Variants in NTM observed in about 807,000 individuals in gnomAD.
The protein encoded by NTM is IgLON family member 2.
In NTM, 13 loss-of-function variants were observed where a neutral mutation model predicts 42.1. That is an observed-to-expected ratio of 0.31 (90% confidence interval 0.20 to 0.49). The LOEUF (loss-of-function observed/expected upper bound fraction) is 0.49. Ranked by LOEUF, NTM falls within the 20% of genes least tolerant of loss-of-function variation. The pLI, the probability that NTM is intolerant of heterozygous loss-of-function variation, is 0.99. For missense variants in NTM, 373 were observed against 452.8 expected, an observed-to-expected ratio of 0.82 and a Z score of 1.60; for synonymous variants, 187 against 179.2, an observed-to-expected ratio of 1.04 and a Z score of -0.35.
rs940614467 is a variant in NTM at position 131,515,526 on chromosome 11, A to T, written c.82+144638A>T. On this transcript the variant is annotated intron_variant, in intron 1 of 8. Transcript: ENST00000683400. ...GAAGGTGAACTACAGAGCTGGATGG[A>T]CTCCCCTGTCCAGAAAACAAGTAAC... 3.3e-5 allele frequency among the ~76,000 whole-genome samples: 5 copies of T among 151,944 alleles called. 1 individual carries two copies. The highest frequency in any genetic ancestry group is 4.4e-5 in the Non-Finnish European group (3 of 68,008).
chr11:132,222,834 C>G (rs1032073115), intron 4 of NTM, among the ~76,000 whole-genome samples: 2 of 152,160 alleles, frequency 1.3e-5, no homozygotes, highest in Admixed American at 1.3e-4. Flanking sequence ...TGACTTTGGA[C>G]TTTACAGTTC....
At chr11:132,180,586 A>G (rs1382752515) in intron 3 of NTM, among the ~76,000 whole-genome samples, 1 of 152,168 alleles carries the variant, frequency 6.6e-6, no homozygotes. Context: ...ACAAAAAACA[A>G]AACCAACCAA....
At chr11:131,964,425 A>G (rs1366605668) in intron 2 of NTM, among the ~76,000 whole-genome samples, 1 of 152,212 alleles carries the variant, frequency 6.6e-6, no homozygotes. Flanking sequence ...AGTGTCAGCA[A>G]AATAAGCCAG....
At chr11:131,597,298 T>C (rs2059896093) in intron 1 of NTM, among the ~76,000 whole-genome samples, 1 of 152,146 alleles carries the variant, frequency 6.6e-6, no homozygotes, top group Admixed American at 6.5e-5. Context: ...TCTTCCTCTG[T>C]CTACCCCTTT....
intron 1 of NTM, among the ~76,000 whole-genome samples, chr11:131,861,525 G>A (rs903896396): frequency 6.6e-6 from 1 of 152,110 alleles, no homozygotes; most frequent in African/African-American, 2.4e-5. Flanking sequence ...CAACTTGATA[G>A]ATTTTCCGAT....
At chr11:131,438,139 G>A (rs1401352387) in intron 1 of NTM, among the ~76,000 whole-genome samples, 1 of 152,200 alleles carries the variant, frequency 6.6e-6, no homozygotes, top group African/African-American at 2.4e-5. Flanking sequence ...TAGAGTTTCT[G>A]CCGAGGGATC....
chr11:132,182,774 A>C (rs554589381), intron 3 of NTM, among the ~76,000 whole-genome samples: 2 of 152,336 alleles, frequency 1.3e-5, no homozygotes, highest in African/African-American at 4.8e-5. Flanking sequence ...AGTCTTTAAC[A>C]AAGCATATAA....
At chr11:132,097,409 T>C (rs766662213) in intron 2 of NTM, among the ~76,000 whole-genome samples, 4 of 152,184 alleles carry the variant, frequency 2.6e-5, no homozygotes, top group Non-Finnish European at 5.9e-5. Context: ...TGTGTTGCAC[T>C]GGAGGCCAGG....
intron 2 of NTM, among the ~76,000 whole-genome samples, chr11:131,982,523 T>G (rs2065411629): frequency 6.6e-6 from 1 of 152,056 alleles, no homozygotes; most frequent in Non-Finnish European, 1.5e-5. Flanking sequence ...GGCTTCTGGC[T>G]TCTTCCAGCC....
intron 1 of NTM, among the ~76,000 whole-genome samples, chr11:131,533,098 T>C (rs1033540258): frequency 6.6e-6 from 1 of 152,142 alleles, no homozygotes; most frequent in Non-Finnish European, 1.5e-5. Context: ...TTGTTGTTGT[T>C]CTTGTTCTTG....
intron 1 of NTM, among the ~76,000 whole-genome samples, chr11:131,902,746 G>C (rs2053347518): frequency 2.0e-5 from 3 of 152,116 alleles, no homozygotes; most frequent in Admixed American, 6.5e-5. Context: ...TTCTAATAAA[G>C]AATATTGATT....
At chr11:132,181,734 G>T (rs569144306) in intron 3 of NTM, among the ~76,000 whole-genome samples, 5 of 152,238 alleles carry the variant, frequency 3.3e-5, no homozygotes, top group Admixed American at 3.3e-4. Flanking sequence ...GGCATTTGAT[G>T]CCTCTTCTGT....
At chr11:132,167,923 A>G (rs1591968797) in intron 3 of NTM, among the ~76,000 whole-genome samples, 1 of 152,246 alleles carries the variant, frequency 6.6e-6, no homozygotes, top group African/African-American at 2.4e-5. Context: ...GGGAAGAATC[A>G]CTTCCGATGA....
At chr11:131,983,058 T>A (rs1455301905) in intron 2 of NTM, among the ~76,000 whole-genome samples, 1 of 151,928 alleles carries the variant, frequency 6.6e-6, no homozygotes, top group Admixed American at 6.6e-5. Flanking sequence ...AATGATTTTT[T>A]TTTTTTTTTA....
At chr11:132,012,500 A>G (rs887149153) in intron 2 of NTM, among the ~76,000 whole-genome samples, 1 of 152,172 alleles carries the variant, frequency 6.6e-6, no homozygotes, top group African/African-American at 2.4e-5. Flanking sequence ...TCTGAAGATG[A>G]AAGCATATGA....
At chr11:132,009,843 G>C (rs1031413351) in intron 2 of NTM, among the ~76,000 whole-genome samples, 6 of 152,144 alleles carry the variant, frequency 3.9e-5, no homozygotes, top group Non-Finnish European at 8.8e-5. Context: ...CATGATGCTG[G>C]TTCTCAGAGG....
intron 2 of NTM, among the ~76,000 whole-genome samples, chr11:131,969,170 G>A (rs1441191899): frequency 1.3e-5 from 2 of 152,186 alleles, no homozygotes; most frequent in South Asian, 2.1e-4. Flanking sequence ...AGTTTACCCA[G>A]GTGTCTTTCT....
At chr11:131,425,331 T>C (rs1431697577) in intron 1 of NTM, among the ~76,000 whole-genome samples, 2 of 152,168 alleles carry the variant, frequency 1.3e-5, no homozygotes, top group Admixed American at 1.3e-4. Flanking sequence ...CTATAGTTCC[T>C]GCCGCGAGTT....
chr11:132,179,738 A>C (rs1261226065), intron 3 of NTM, among the ~76,000 whole-genome samples: 1 of 152,174 alleles, frequency 6.6e-6, no homozygotes, highest in Non-Finnish European at 1.5e-5. Context: ...TTGATGATGC[A>C]GGAGATACCA....
Sources: allele counts gnomAD v4.1 joint callset (sites outside exome capture counted in the v4.1 genomes callset), GRCh38; gene constraint gnomAD v4.1.1; transcripts MANE v1.5; gene names NCBI Gene and HGNC (gene_info 2026-07-23, HGNC 2026-07-21).